Variants in RBFOX3 observed in about 807,000 individuals in gnomAD.
RBFOX3 encodes the protein RNA binding fox-1 homolog 3.
In RBFOX3, 17 loss-of-function variants were observed where a neutral mutation model predicts 48.7. That is an observed-to-expected ratio of 0.35 (90% CI 0.24 to 0.52). The LOEUF (loss-of-function observed/expected upper bound fraction) is 0.52. RBFOX3 is among the 20% of genes least tolerant of loss of function. The pLI, the probability that RBFOX3 is intolerant of heterozygous loss-of-function variation, is 0.94. For missense variants in RBFOX3, 382 were observed against 497.5 expected (o/e 0.77, Z 2.21); for synonymous variants, 212 against 209.5 (o/e 1.01, Z -0.10).
chr17:79,514,443 A>T (rs1007124648), intron 1 of RBFOX3, among the ~76,000 whole-genome samples: 6 of 152,238 alleles, frequency 3.9e-5, no homozygotes, highest in Non-Finnish European at 7.3e-5. Flanking sequence ...GAACCACCAC[A>T]TTCACAGATG....
At position 79,480,028 on chromosome 17, in the gene RBFOX3, C is replaced by T. The variant is rs1568322312; in HGVS notation, c.-175+2426G>A. Among the ~76,000 whole-genome samples, 1 of 152,198 alleles carries T rather than the reference C, an allele frequency of 6.6e-6. No homozygotes were observed. The highest frequency in any genetic ancestry group is 2.4e-5 in the African/African-American group (1 of 41,458). ...CAGCCTGCAAGCACAGTGATCTTGG[C>T]ACAGAGCGACCTGACCAGGAGCCGT... On this transcript the variant is annotated intron_variant, in intron 2 of 14. Coordinates refer to ENST00000693108, the MANE Select transcript of RBFOX3 (RefSeq NM_001350451.2). The surrounding 1 kb of genome is among the most constrained non-coding windows in gnomAD (Gnocchi z 4.8).
chr17:79,479,949 C>A lies in RBFOX3; in HGVS notation c.-175+2505G>T, dbSNP rs1436132105. Among the ~76,000 whole-genome samples, 1 of 152,158 alleles carries A rather than the reference C, an allele frequency of 6.6e-6. No homozygotes were observed. Among genetic ancestry groups the A allele is most frequent in the Admixed American group, 6.5e-5 (1 of 15,282 alleles). ...CAGAGCATGATCTCAGGGGGTCTCT[C>A]GTCCTGCACTGAGGCCAGCCCCAAA... On this transcript the variant is annotated intron_variant, in intron 2 of 14. Transcript: ENST00000693108. The surrounding 1 kb of genome is among the most constrained non-coding windows in gnomAD (Gnocchi z 5.1).
intron 4 of RBFOX3, among the ~76,000 whole-genome samples, chr17:79,139,647 T>C (rs533299583): frequency 2.8e-4 from 42 of 152,294 alleles, no homozygotes; most frequent in African/African-American, 9.1e-4. Context: ...GGCACGTGGC[T>C]GTGATGCAGT....
At chr17:79,396,220 AC>A (rs1322361933) in intron 2 of RBFOX3, among the ~76,000 whole-genome samples, 1 of 152,186 alleles carries the variant, frequency 6.6e-6, no homozygotes, top group Non-Finnish European at 1.5e-5. Flanking sequence ...AAGGAAAGAT[AC>A]CCTTTTGGAT....
Position 79,356,331 on chromosome 17 carries a change from A to C in RBFOX3, c.-174-48507T>G, listed in dbSNP as rs1407507880. Among the ~76,000 whole-genome samples, 27 of 100,118 alleles carry C rather than the reference A, an allele frequency of 2.7e-4. 8 individuals carry two copies. The highest frequency in any genetic ancestry group is 3.5e-4 in the African/African-American group (9 of 26,006). 65.7% of individuals were successfully genotyped at this position (100,118 alleles called of 152,430 possible). A position where few individuals can be genotyped will look rare whatever the true frequency, so the allele number is the denominator to read the frequency against. ...TCTGCCGTGAGGCACGTACTTTTTC[A>C]CTTTTAAAACAGGGAAGTTTTTTTT... On this transcript the variant is annotated intron_variant, in intron 2 of 14. Coordinates refer to ENST00000693108, the MANE Select transcript of RBFOX3 (RefSeq NM_001350451.2).
chr17:79,486,266 C>T (rs1434323201), intron 1 of RBFOX3, among the ~76,000 whole-genome samples: 4 of 152,126 alleles, frequency 2.6e-5, no homozygotes, highest in African/African-American at 9.7e-5. Context: ...CTGGTCGAGG[C>T]CACAGCCTAC....
At position 79,390,023 on chromosome 17, in the gene RBFOX3, CTCCA is replaced by C. The variant is rs1378466038; in HGVS notation, c.-174-82203_-174-82200del. On this transcript the variant is annotated intron_variant, in intron 2 of 14. Transcript: ENST00000693108. This position sits in a 1 kb window ranked among gnomAD's most constrained non-coding sequence, Gnocchi z 4.2. ...TCCGCAGCCTCCAGGTCTCCGCAGCCTCCAGGTCTCCGTAGCCTCCAGGTCTCCG... is the reference window on the plus strand; with the variant it reads ...TCCGCAGCCTCCAGGTCTCCGCAGCCGGTCTCCGTAGCCTCCAGGTCTCCG... Among the ~76,000 whole-genome samples the C allele has an allele frequency of 1.8e-4, 24 of 130,054 alleles. No individual in the cohort carries two copies. The highest frequency in any genetic ancestry group is 3.5e-4 in the Non-Finnish European group (19 of 54,466). 85.3% of individuals were successfully genotyped at this position (130,054 alleles called of 152,430 possible).
chr17:79,568,245 C>G (rs909350967), intron 1 of RBFOX3, among the ~76,000 whole-genome samples: 1 of 152,152 alleles, frequency 6.6e-6, no homozygotes, highest in Admixed American at 6.5e-5. Flanking sequence ...AACTCAGTAC[C>G]GATACCACAA....
Position 79,111,001 on chromosome 17 carries a change from C to T in RBFOX3, c.223-4213G>A, listed in dbSNP as rs1276977865. Among the ~76,000 whole-genome samples the T allele has an allele frequency of 6.6e-6, 1 of 152,272 alleles. No homozygotes were observed. Among genetic ancestry groups the T allele is most frequent in the African/African-American group, 2.4e-5 (1 of 41,478 alleles). Reference sequence around the variant, plus strand: ...GAGCCAAGAACACAGTGACCAAGGGCTGCAGCTCCTGGCTGAGGGGAGAGG... The same window carrying T: ...GAGCCAAGAACACAGTGACCAAGGGTTGCAGCTCCTGGCTGAGGGGAGAGG... On this transcript the variant is annotated intron_variant, in intron 5 of 14. Coordinates refer to ENST00000693108, the MANE Select transcript of RBFOX3 (RefSeq NM_001350451.2). The surrounding 1 kb of genome is among the most constrained non-coding windows in gnomAD (Gnocchi z 4.2).
At chr17:79,508,390 G>A (rs1484125969) in intron 1 of RBFOX3, among the ~76,000 whole-genome samples, 1 of 152,130 alleles carries the variant, frequency 6.6e-6, no homozygotes, top group Non-Finnish European at 1.5e-5. Flanking sequence ...AGCCCAGCCC[G>A]ACCTCCTCCG....
chr17:79,399,314 G>A (rs769149816), intron 2 of RBFOX3, among the ~76,000 whole-genome samples: 6 of 152,194 alleles, frequency 3.9e-5, no homozygotes, highest in Admixed American at 6.5e-5. Context: ...TGAGGAAACC[G>A]AGGCACCGGG....
chr17:79,170,646 T>C (rs1016803127), intron 4 of RBFOX3, among the ~76,000 whole-genome samples: 2 of 152,078 alleles, frequency 1.3e-5, no homozygotes, highest in African/African-American at 4.8e-5. Flanking sequence ...CACCCCTCTC[T>C]GTCCCTACTG....
intron 3 of RBFOX3, among the ~76,000 whole-genome samples, chr17:79,257,520 A>G (rs1002248076): frequency 6.6e-6 from 1 of 152,242 alleles, no homozygotes; most frequent in Non-Finnish European, 1.5e-5. Flanking sequence ...GGGTTTGGCC[A>G]AAGGGCTGCA....
At chr17:79,112,462 T>G (rs1486719943) in intron 5 of RBFOX3, among the ~76,000 whole-genome samples, 1 of 152,070 alleles carries the variant, frequency 6.6e-6, no homozygotes, top group Non-Finnish European at 1.5e-5. Context: ...GTTCCAGAAA[T>G]TCCAGGAAGG....
intron 2 of RBFOX3, among the ~76,000 whole-genome samples, chr17:79,386,077 C>G (rs1028765836): frequency 4.7e-5 from 7 of 148,692 alleles, no homozygotes; most frequent in Non-Finnish European, 8.9e-5. Context: ...CCCTCCATTG[C>G]AGACAGGAAC....
intron 9 of RBFOX3, chr17:79,098,134 A>AC: frequency 4.9e-6 from 1 of 203,430 alleles, no homozygotes; most frequent in South Asian, 1.0e-4. Flanking sequence ...TTCTGGAGTC[A>AC]GACTCAGCAC....
chr17:79,443,386 CTTTT>C lies in RBFOX3; in HGVS notation c.-175+39064_-175+39067del, dbSNP rs1169622267. Among the ~76,000 whole-genome samples the C allele has an allele frequency of 6.7e-6, 1 of 150,220 alleles. No individual in the cohort carries two copies. The highest frequency in any genetic ancestry group is 1.5e-5 in the Non-Finnish European group (1 of 67,326). On this transcript the variant is annotated intron_variant, in intron 2 of 14. Transcript: ENST00000693108. This position sits in a 1 kb window ranked among gnomAD's most constrained non-coding sequence, Gnocchi z 4.4. Reference sequence around the variant, plus strand: ...TGCACACTCACATACACCCTTGCCTCTTTTTTTTTTCTTTTGAGACAGTCTTGCT... The same window carrying C: ...TGCACACTCACATACACCCTTGCCTCTTTTTTCTTTTGAGACAGTCTTGCT...
At chr17:79,133,108 C>T (rs528140443) in intron 4 of RBFOX3, among the ~76,000 whole-genome samples, 3 of 152,308 alleles carry the variant, frequency 2.0e-5, no homozygotes, top group African/African-American at 7.2e-5. Context: ...GACCTTCTGC[C>T]TCCAGGGAGG....
At chr17:79,560,395 T>A (rs1358144882) in intron 1 of RBFOX3, among the ~76,000 whole-genome samples, 1 of 152,156 alleles carries the variant, frequency 6.6e-6, no homozygotes, top group Non-Finnish European at 1.5e-5. Flanking sequence ...GCCCTCCCTG[T>A]CCTGCTGGCG....
Sources: allele counts gnomAD v4.1 joint callset (sites outside exome capture counted in the v4.1 genomes callset), GRCh38; gene constraint gnomAD v4.1.1; non-coding constraint Gnocchi (gnomAD v3.1); transcripts MANE v1.5; gene names NCBI Gene and HGNC (gene_info 2026-07-23, HGNC 2026-07-21).